The following TTLL3 variants were observed in gnomAD, a reference collection of about 807,000 sequenced individuals.
TTLL3 encodes the protein tubulin tyrosine ligase like 3, also known as tubulin monoglycylase TTLL3.
In TTLL3, 63 loss-of-function variants were observed where a neutral mutation model predicts 75.2. That is an observed-to-expected ratio of 0.84 (90% CI 0.68 to 1.03). The LOEUF (loss-of-function observed/expected upper bound fraction) is 1.03. TTLL3 is among the 50% of genes least tolerant of loss of function. The pLI is 0.00. For synonymous variants in TTLL3, 393 were observed against 418.5 expected, an observed-to-expected ratio of 0.94 and a Z score of 0.74; for missense variants, 997 against 1,069.9, an observed-to-expected ratio of 0.93 and a Z score of 0.95.
intron 5 of TTLL3, 81 bp downstream of exon 5, chr3:9,816,283 T>C: frequency 1.6e-6 from 2 of 1,273,786 alleles, no homozygotes; most frequent in Non-Finnish European, 2.1e-6. Context: ...GCTCACCTTG[T>C]TAGTAAGAGG....
chr3:9,831,572 G>C (rs1394121959), intron 11 of TTLL3, among the ~76,000 whole-genome samples: 6 of 152,112 alleles, frequency 3.9e-5, no homozygotes, highest in Admixed American at 3.9e-4. Flanking sequence ...TTTCTGTAAG[G>C]TGCTGTGTTG....
chr3:9,827,327 C>T lies in TTLL3; in HGVS notation c.1247+87C>T, dbSNP rs573311537. On this transcript the variant is annotated intron_variant, in intron 10 of 13. Coordinates refer to ENST00000685419, the MANE Select transcript of TTLL3 (RefSeq NM_001387446.1). ...AGGCGATTACAGTGCAGGGGACTCG[C>T]GCAGCAGCGCTAGGCTCCACACACA... 38 of 1,556,684 alleles carry T rather than the reference C, an allele frequency of 2.4e-5. No homozygotes were observed. The South Asian group carries it at 3.6e-4, about 15-fold the overall frequency.
intron 12 of TTLL3, chr3:9,834,254 G>A (rs574810633): frequency 1.2e-5 from 5 of 402,386 alleles, no homozygotes; most frequent in East Asian, 7.1e-5. Context: ...TCTCTCCAGC[G>A]CCCACGCTTT....
intron 2 of TTLL3, chr3:9,812,615 T>G (rs1418263892): frequency 5.8e-6 from 1 of 173,012 alleles, no homozygotes; most frequent in Non-Finnish European, 1.2e-5. Flanking sequence ...GAGGGTGCAG[T>G]GAGCCGAGAT....
intron 12 of TTLL3, chr3:9,834,213 T>A: frequency 2.8e-6 from 1 of 354,166 alleles, no homozygotes; most frequent in Non-Finnish European, 5.6e-6. Context: ...TGACCTGATT[T>A]CAAAGATGCC....
At chr3:9,824,075 G>C (rs2080782321) in intron 8 of TTLL3, among the ~76,000 whole-genome samples, 1 of 152,120 alleles carries the variant, frequency 6.6e-6, no homozygotes. Context: ...TTGGGGATGG[G>C]GATTATAGCA....
intron 2 of TTLL3, among the ~76,000 whole-genome samples, chr3:9,812,388 G>A (rs760736729): frequency 4.6e-5 from 7 of 152,202 alleles, no homozygotes; most frequent in East Asian, 1.9e-4. Flanking sequence ...AGTGGCACAC[G>A]CCTGTACTCC....
chr3:9,829,104 C>T lies in TTLL3; in HGVS notation c.1392C>T (p.Ser464=), dbSNP rs2124953988. Residue 464 remains serine (S), a synonymous_variant, in exon 11 of 14, where the codon TCC becomes TCT. Coordinates refer to ENST00000685419, the MANE Select transcript of TTLL3 (RefSeq NM_001387446.1). Reference sequence around the variant, plus strand: ...AGATGGGTGCCCCAAATGCTTGGTCCACCATCATCGTGCCTGGCATGAAGG... The same window carrying T: ...AGATGGGTGCCCCAAATGCTTGGTCTACCATCATCGTGCCTGGCATGAAGG... The part of the protein sequence containing the change: ...LQEMGAPNAW[S]TIIVPGMKDA... 6.2e-7 allele frequency: 1 copy of T among 1,614,240 alleles called. No homozygotes were observed. The highest frequency in any genetic ancestry group is 2.2e-5 in the East Asian group (1 of 44,892).
In TTLL3 at chr3:9,835,473, C is replaced by T; in HGVS notation, c.2432C>T (p.Ser811Phe). ...GGGGCGAGGCCGTGTACCCCAGGGT[C>T]CACAGCAAGAGCCTGAGGCCATCAG... ...VDGARPCTPG[S>F]TARA The change falls in exon 14 of 14, where the codon TCC becomes TTC. Residue 811 changes from serine (S) to phenylalanine (F), a missense_variant. By Grantham distance (155) the Ser-to-Phe change is radical. Coordinates refer to ENST00000685419, the MANE Select transcript of TTLL3 (RefSeq NM_001387446.1). The T allele has an allele frequency of 6.2e-7, 1 of 1,600,148 alleles. No individual in the cohort carries two copies. The highest frequency in any genetic ancestry group is 8.5e-7 in the Non-Finnish European group (1 of 1,174,422).
intron 10 of TTLL3, 132 bp downstream of exon 10, chr3:9,827,372 C>T: frequency 6.9e-7 from 1 of 1,443,468 alleles, no homozygotes; most frequent in South Asian, 1.4e-5. Flanking sequence ...CAGGCAGGCC[C>T]TCATCCTGCC....
chr3:9,816,519 G>GTTTGTTTTTTTTTTTTTTTT (rs1397485164), intron 5 of TTLL3, among the ~76,000 whole-genome samples: 1 of 36,150 alleles, frequency 2.8e-5, no homozygotes, highest in African/African-American at 8.2e-5. Flanking sequence ...TCTTACCTGG[G>GTTTGTTTTTTTTTTTTTTTT]TTTCTTTTTT....
At chr3:9,833,799 C>CCTCTGCA (rs2081812921) in intron 12 of TTLL3, among the ~76,000 whole-genome samples, 1 of 152,094 alleles carries the variant, frequency 6.6e-6, no homozygotes, top group Admixed American at 6.6e-5. Flanking sequence ...TATGATCGCA[C>CCTCTGCA]CTCTGCACTC....
chr3:9,825,766 C>G (rs897263437), intron 8 of TTLL3, 34 bp from the exon 9 acceptor site: 2 of 1,613,864 alleles, frequency 1.2e-6, no homozygotes, highest in Non-Finnish European at 1.7e-6. Flanking sequence ...TGTCCCAGGT[C>G]CAGCCCTGCC....
In TTLL3 at chr3:9,810,621, G is replaced by C; in HGVS notation, c.-41G>C. Reference sequence around the variant, plus strand: ...GCCCCTATTCCGCATCTTTCTGCAGGTTTCCCGGTCCTCTGGCGAGGATCC... The same window carrying C: ...GCCCCTATTCCGCATCTTTCTGCAGCTTTCCCGGTCCTCTGGCGAGGATCC... On this transcript the variant is annotated splice_region_variant and 5_prime_UTR_variant, in exon 2 of 14. Transcript: ENST00000685419. The surrounding 1 kb of genome is among the most constrained non-coding windows in gnomAD (Gnocchi z 4.4). 11 of 1,562,980 alleles carry C rather than the reference G, an allele frequency of 7.0e-6. No individual in the cohort carries two copies. Among genetic ancestry groups the C allele is most frequent in the Non-Finnish European group, 9.5e-6 (11 of 1,152,810 alleles).
At chr3:9,831,004 T>C (rs1575412307) in intron 11 of TTLL3, among the ~76,000 whole-genome samples, 1 of 152,290 alleles carries the variant, frequency 6.6e-6, no homozygotes, top group Non-Finnish European at 1.5e-5. Flanking sequence ...GGTTTCACCA[T>C]GTTAGCCAGG....
intron 4 of TTLL3, 150 bp from the exon 5 acceptor site, chr3:9,815,924 T>TA (rs1467523061): frequency 1.4e-5 from 10 of 710,686 alleles, no homozygotes; most frequent in Non-Finnish European, 2.0e-5. Context: ...CTTCTTGACT[T>TA]ACACAAAGAT....
chr3:9,833,113 G>A lies in TTLL3; in HGVS notation c.1693G>A (p.Glu565Lys). 1.2e-6 allele frequency: 2 copies of A among 1,614,170 alleles called. No homozygotes were observed. The highest frequency in any genetic ancestry group is 1.7e-6 in the Non-Finnish European group (2 of 1,180,014). Residue 565 changes from glutamate to lysine, a missense_variant, in exon 12 of 14, where the codon GAG becomes AAG. Glu to Lys is a moderately conservative substitution (Grantham distance 56). Coordinates refer to ENST00000685419, the MANE Select transcript of TTLL3 (RefSeq NM_001387446.1). Reference sequence around the variant, plus strand: ...CTCTTCTTGCCCACAGCCTGCTGTGGAGGTGCCTCAATATGTGGGCATCCG... The same window carrying A: ...CTCTTCTTGCCCACAGCCTGCTGTGAAGGTGCCTCAATATGTGGGCATCCG... ...FELIYKQPAV[E>K]VPQYVGIRLL...
intron 3 of TTLL3, 35 bp downstream of exon 3, chr3:9,813,146 C>T (rs771821657): frequency 1.9e-6 from 3 of 1,598,714 alleles, no homozygotes. Flanking sequence ...AGCTGTTGCT[C>T]CTGAGTCCTT....
Position 9,816,523 on chromosome 3 carries a change from C to CTTTTTTTTTTTTTTTTTTTT in TTLL3, c.444+332_444+333insTTTTTTTTTTTTTTTTTTTT, listed in dbSNP as rs71052206. 1.3e-3 allele frequency among the ~76,000 whole-genome samples: 133 copies of CTTTTTTTTTTTTTTTTTTTT among 104,024 alleles called. 14 individuals are homozygous for CTTTTTTTTTTTTTTTTTTTT. Among genetic ancestry groups the CTTTTTTTTTTTTTTTTTTTT allele is most frequent in the East Asian group, 4.2e-3 (14 of 3,298 alleles). 68.2% of individuals were successfully genotyped at this position (104,024 alleles called of 152,430 possible). A position where few individuals can be genotyped will look rare whatever the true frequency, so the allele number is the denominator to read the frequency against. On this transcript the variant is annotated intron_variant, in intron 5 of 13. Coordinates refer to ENST00000685419, the MANE Select transcript of TTLL3 (RefSeq NM_001387446.1). ...GACCCATTCTGTCTTACCTGGGTTT[C>CTTTTTTTTTTTTTTTTTTTT]TTTTTTTTTTTGAGACAGAGTCTTG...
Sources: allele counts gnomAD v4.1 joint callset (sites outside exome capture counted in the v4.1 genomes callset), GRCh38; gene constraint gnomAD v4.1.1; non-coding constraint Gnocchi (gnomAD v3.1); transcripts MANE v1.5; gene names NCBI Gene and HGNC (gene_info 2026-07-23, HGNC 2026-07-21).